Variants in RPS25 observed in about 807,000 individuals in gnomAD.
The protein encoded by RPS25 is small ribosomal subunit protein eS25.
A neutral mutation model predicts 14.4 loss-of-function variants in RPS25; 1 was observed. The ratio of observed to expected loss-of-function variants is 0.07; its 90% CI spans 0.02 to 0.33. The LOEUF is 0.33. Among genes scored for constraint, RPS25 ranks in the 10% least tolerant of loss-of-function variants. The probability of loss-of-function intolerance (pLI) is 1.00; values close to 1 mark genes in which losing one functional copy is unlikely to be tolerated. For missense variants in RPS25, 65 were observed against 144.6 expected (o/e 0.45, Z 2.82); for synonymous variants, 63 against 53.8 (o/e 1.17, Z -0.75).
intron 3 of RPS25, among the ~76,000 whole-genome samples, chr11:119,016,596 C>T (rs1943163082): frequency 6.6e-6 from 1 of 151,450 alleles, no homozygotes; most frequent in South Asian, 2.1e-4. Flanking sequence ...GATCATCTAT[C>T]CTTACTTTTC....
intron 2 of RPS25, 23 bp downstream of exon 2, chr11:119,017,935 T>C (rs782215177): frequency 4.4e-6 from 7 of 1,587,392 alleles, no homozygotes; most frequent in South Asian, 2.2e-5. Flanking sequence ...CCCTAGTCTC[T>C]TTCAGAGAGG....
In RPS25 at chr11:119,016,659, CTT is replaced by C. The variant is rs141178640; in HGVS notation, c.283+701_283+702del. ...ACCCCCCCCCCCTTTCTGAGACAGT[CTT>C]TTGCTGTCACTAAGGCTGGAGTGCA... On this transcript the variant is annotated intron_variant, in intron 3 of 4. Transcript: ENST00000527673. Among the ~76,000 whole-genome samples, 113 of 138,876 alleles carry C rather than the reference CTT, an allele frequency of 8.1e-4. No individual in the cohort carries two copies. The East Asian group carries it at 0.025, about 31-fold the overall frequency. The allele number at this position is 138,876 out of a possible 152,430, so 91.1% of individuals were successfully genotyped here.
chr11:119,016,169 TTCCAGCTACTTGGGAAGCTGAGGTGAGGA>T (rs1943150983), intron 3 of RPS25, among the ~76,000 whole-genome samples: 1 of 152,150 alleles, frequency 6.6e-6, no homozygotes, highest in African/African-American at 2.4e-5. Context: ...ATGCTTGTAA[TTCCAGCTACTTGGGAAGCTGAGGTGAGGA>T]CCACCTGAAC....
chr11:119,016,362 A>G (rs1943155867), intron 3 of RPS25, among the ~76,000 whole-genome samples: 1 of 152,160 alleles, frequency 6.6e-6, no homozygotes, highest in Non-Finnish European at 1.5e-5. Flanking sequence ...TGAGCCCAGG[A>G]GACCAGCCTG....
chr11:119,018,330 T>C lies in RPS25; in HGVS notation c.-46A>G, dbSNP rs1287778286. ...AGCAGACACCGCAGCCTCGTCAAGA[T>C]GTCGGACAAAAAGGAAGCGCTGCTC... On this transcript the variant is annotated 5_prime_UTR_variant, in exon 1 of 5. Coordinates refer to ENST00000527673, the MANE Select transcript of RPS25 (RefSeq NM_001028.3). 21 of 1,613,860 alleles carry C rather than the reference T, an allele frequency of 1.3e-5. No homozygotes were observed. The highest frequency in any genetic ancestry group is 1.7e-5 in the Non-Finnish European group (20 of 1,179,998).
At position 119,017,492 on chromosome 11, in the gene RPS25, G is replaced by A. The variant is rs782770995; in HGVS notation, c.153C>T (p.Asp51=). ...TACAGAGTTTATCATAGGTAGCTTT[G>A]TCAAACAAGACTAAGTTATTGAGCT... is the stretch of plus-strand genomic sequence containing the variant. The part of the protein sequence containing the change: ...RDKLNNLVLF[D]KATYDKLCKE... Residue 51 remains aspartate (D), a synonymous_variant, in exon 3 of 5, where the codon GAC becomes GAT. Coordinates refer to ENST00000527673, the MANE Select transcript of RPS25 (RefSeq NM_001028.3). 2.5e-6 allele frequency: 4 copies of A among 1,614,092 alleles called. No individual in the cohort carries two copies. The highest frequency in any genetic ancestry group is 2.2e-5 in the East Asian group (1 of 44,894).
In RPS25 at chr11:119,017,955, T is replaced by C. The variant is rs879151896; in HGVS notation, c.99+3A>G. ...GTCTCTTTCAGAGAGGTCTTATTTCTACCTTCTTTTTGGCCTTGCCCCCGG... is the reference window on the plus strand; with the variant it reads ...GTCTCTTTCAGAGAGGTCTTATTTCCACCTTCTTTTTGGCCTTGCCCCCGG... On this transcript the variant is annotated splice_donor_region_variant and intron_variant, in intron 2 of 4. Coordinates refer to ENST00000527673, the MANE Select transcript of RPS25 (RefSeq NM_001028.3). The C allele has an allele frequency of 6.2e-7, 1 of 1,610,460 alleles. No individual in the cohort carries two copies. Among genetic ancestry groups the C allele is most frequent in the Non-Finnish European group, 8.5e-7 (1 of 1,177,796 alleles).
intron 3 of RPS25, among the ~76,000 whole-genome samples, 169 bp downstream of exon 3, chr11:119,017,193 A>G (rs1455588267): frequency 1.3e-5 from 2 of 152,146 alleles, no homozygotes; most frequent in Non-Finnish European, 2.9e-5. Flanking sequence ...AACCCTGAGA[A>G]TTCATCTCAG....
chr11:119,016,568 A>AGAATCCTAGTTTTTAAC (rs748386196), intron 3 of RPS25, among the ~76,000 whole-genome samples: 224 of 151,856 alleles, frequency 1.5e-3, no homozygotes, highest in Non-Finnish European at 2.4e-3. Context: ...TCGGTAACCG[A>AGAATCCTAGTTTTTAAC]GAATCCTAGT....
chr11:119,017,296 G>C (rs184248775), intron 3 of RPS25, 66 bp downstream of exon 3: 3 of 1,205,004 alleles, frequency 2.5e-6, no homozygotes, highest in Admixed American at 5.1e-5. Flanking sequence ...CAAAACCACT[G>C]AAGATGCTTA....
At chr11:119,017,602 CCT>C in intron 2 of RPS25, 57 bp from the exon 3 acceptor site, 2 of 1,449,896 alleles carry the variant, frequency 1.4e-6, no homozygotes, top group Non-Finnish European at 1.9e-6. Flanking sequence ...GCACCCTTTC[CCT>C]CTCGAGTAAT....
At chr11:119,016,640 C>T (rs539715387) in intron 3 of RPS25, among the ~76,000 whole-genome samples, 7 of 151,432 alleles carry the variant, frequency 4.6e-5, no homozygotes, top group Admixed American at 1.3e-4. Flanking sequence ...TTCCACCCCC[C>T]CCCCCTTTCT....
chr11:119,016,439 G>A (rs1943158038), intron 3 of RPS25, among the ~76,000 whole-genome samples: 1 of 152,088 alleles, frequency 6.6e-6, no homozygotes, highest in African/African-American at 2.4e-5. Context: ...TTCTCTCAGA[G>A]GTGCCCAGAA....
chr11:119,017,778 C>A (rs1943199086), intron 2 of RPS25, 180 bp downstream of exon 2: 1 of 667,080 alleles, frequency 1.5e-6, no homozygotes, highest in East Asian at 2.7e-5. Context: ...ACACTTCGCA[C>A]AACAGACCCA....
chr11:119,016,657 G>C (rs1943166489), intron 3 of RPS25, among the ~76,000 whole-genome samples: 1 of 144,890 alleles, frequency 6.9e-6, no homozygotes, highest in African/African-American at 2.6e-5. Context: ...TTCTGAGACA[G>C]TCTTTTGCTG....
At chr11:119,018,129 C>G in intron 1 of RPS25, 76 bp from the exon 2 acceptor site, 1 of 1,562,428 alleles carries the variant, frequency 6.4e-7, no homozygotes, top group Non-Finnish European at 8.8e-7. Context: ...CCTCAGCCCC[C>G]GCAAACTCCA....
At chr11:119,015,983 C>T (rs782445189) in intron 3 of RPS25, 44 bp from the exon 4 acceptor site, 3 of 1,221,672 alleles carry the variant, frequency 2.5e-6, no homozygotes, top group Non-Finnish European at 3.6e-6. Context: ...ACAGATGCTA[C>T]AATAGAAACT....
At chr11:119,016,227 A>G (rs1478542333) in intron 3 of RPS25, among the ~76,000 whole-genome samples, 1 of 152,162 alleles carries the variant, frequency 6.6e-6, no homozygotes, top group Admixed American at 6.5e-5. Context: ...TGGTGGTTGC[A>G]TTGAGCCAAG....
intron 1 of RPS25, 109 bp from the exon 2 acceptor site, chr11:119,018,162 C>G: frequency 1.3e-6 from 2 of 1,573,968 alleles, no homozygotes; most frequent in Non-Finnish European, 1.7e-6. Context: ...ATGGGCCAAG[C>G]AATAACCGCG....
Sources: gnomAD v4.1 joint callset for allele counts (sites outside exome capture counted in the v4.1 genomes callset) on GRCh38, gnomAD v4.1.1 for gene constraint, MANE v1.5 for transcripts, NCBI Gene and HGNC (gene_info 2026-07-23, HGNC 2026-07-21) for gene names.